The following TRABD2B variants were observed in gnomAD, a reference collection of about 807,000 sequenced individuals.
TRABD2B encodes metalloprotease TIKI2.
TRABD2B carries 14 observed loss-of-function variants against 40.1 expected under a neutral mutation model. The observed-to-expected ratio is 0.35, with a 90% CI of 0.23 to 0.55. The LOEUF is 0.55. Among genes scored for constraint, TRABD2B ranks in the 20% least tolerant of loss-of-function variants. The pLI is 0.90. For missense variants in TRABD2B, 541 were observed against 648.6 expected (o/e 0.83, Z 1.80); for synonymous variants, 263 against 277.0 (o/e 0.95, Z 0.50).
At chr1:47,957,059 T>A (rs1377751751) in intron 2 of TRABD2B, among the ~76,000 whole-genome samples, 1 of 152,206 alleles carries the variant, frequency 6.6e-6, no homozygotes, top group Non-Finnish European at 1.5e-5. Context: ...AGATATGCTG[T>A]TCTGTAGCCT....
At chr1:47,812,485 T>G (rs548483393) in intron 2 of TRABD2B, among the ~76,000 whole-genome samples, 1 of 152,246 alleles carries the variant, frequency 6.6e-6, no homozygotes, top group African/African-American at 2.4e-5. Flanking sequence ...CCCAGCACTT[T>G]GCGGGGCTGA....
chr1:47,778,600 G>A lies in TRABD2B; in HGVS notation c.989-56C>T, dbSNP rs183001310. ...CACATGCCAGGCCACCGGCCACAGG[G>A]GACTGCCCCAGGCCATCCCCTAAGT... On this transcript the variant is annotated intron_variant, in intron 4 of 6. Coordinates refer to ENST00000606738, the MANE Select transcript of TRABD2B (RefSeq NM_001194986.2). 5,845 of 1,328,890 alleles carry A rather than the reference G, an allele frequency of 4.4e-3. 18 individuals carry two copies. The highest frequency in any genetic ancestry group is 5.6e-3 in the Non-Finnish European group (5,393 of 957,958). 82.3% of individuals were successfully genotyped at this position (1,328,890 alleles called of 1,614,324 possible). A position where few individuals can be genotyped will look rare whatever the true frequency, so the allele number is the denominator to read the frequency against.
At chr1:47,956,210 A>T (rs1446941410) in intron 2 of TRABD2B, among the ~76,000 whole-genome samples, 3 of 152,178 alleles carry the variant, frequency 2.0e-5, no homozygotes, top group African/African-American at 7.2e-5. Flanking sequence ...GACTACAGAG[A>T]ACTACAGCTT....
intron 2 of TRABD2B, among the ~76,000 whole-genome samples, chr1:47,840,958 A>AAG (rs937815323): frequency 1.3e-5 from 2 of 152,136 alleles, no homozygotes; most frequent in African/African-American, 4.8e-5. Context: ...CAGGGAAGGA[A>AAG]AGAGAGAGAG....
Position 47,852,255 on chromosome 1 carries a change from C to T in TRABD2B, c.667-50636G>A, listed in dbSNP as rs1274495003. 2.0e-5 allele frequency among the ~76,000 whole-genome samples: 3 copies of T among 152,164 alleles called. No individual in the cohort carries two copies. The East Asian group carries it at 5.8e-4, about 29-fold the overall frequency. On this transcript the variant is annotated intron_variant, in intron 2 of 6. Transcript: ENST00000606738. ...GCCAGGCGGAGGTTTGGGGCAGAGT[C>T]CCTTGGTAAGGCGTGCGGAGCTCCT...
intron 2 of TRABD2B, among the ~76,000 whole-genome samples, chr1:47,842,789 T>C (rs1323845859): frequency 1.3e-5 from 2 of 152,198 alleles, no homozygotes; most frequent in East Asian, 3.9e-4. Context: ...GATTTCATTG[T>C]AGCAGAAGAG....
chr1:47,825,250 G>T (rs1426469721), intron 2 of TRABD2B, among the ~76,000 whole-genome samples: 1 of 152,172 alleles, frequency 6.6e-6, no homozygotes, highest in East Asian at 1.9e-4. Flanking sequence ...GAAAGTCAAA[G>T]TCCATCATGA....
intron 2 of TRABD2B, among the ~76,000 whole-genome samples, chr1:47,985,169 A>G (rs1270171006): frequency 6.6e-6 from 1 of 152,248 alleles, no homozygotes; most frequent in East Asian, 1.9e-4. Flanking sequence ...ACTCCCGATA[A>G]GTGCACTTAT....
At position 47,855,484 on chromosome 1, in the gene TRABD2B, C is replaced by A. The variant is rs1643881399; in HGVS notation, c.667-53865G>T. ...TTAAATTTGCATAAGTAGAAGACTG[C>A]ACATATTGTTCTGATTTGCCTTTTT... On this transcript the variant is annotated intron_variant, in intron 2 of 6. Transcript: ENST00000606738. Among the ~76,000 whole-genome samples the A allele has an allele frequency of 4.6e-5, 7 of 152,354 alleles. No homozygotes were observed. The South Asian group carries it at 1.2e-3, about 27-fold the overall frequency.
chr1:47,875,698 A>AAAAAAAAAAAG (rs1553161018), intron 2 of TRABD2B, among the ~76,000 whole-genome samples: 1 of 132,234 alleles, frequency 7.6e-6, no homozygotes. Flanking sequence ...AAAAAAAAAA[A>AAAAAAAAAAAG]AAGAAGAAGG....
At chr1:47,849,919 T>C (rs1327328755) in intron 2 of TRABD2B, among the ~76,000 whole-genome samples, 1 of 152,200 alleles carries the variant, frequency 6.6e-6, no homozygotes, top group Admixed American at 6.5e-5. Context: ...AACCTGGCAT[T>C]TCACAGGCCT....
intron 4 of TRABD2B, among the ~76,000 whole-genome samples, chr1:47,779,162 G>A (rs1457203153): frequency 6.6e-6 from 1 of 152,210 alleles, no homozygotes; most frequent in African/African-American, 2.4e-5. Flanking sequence ...CCTACTGGCT[G>A]GATTCACAGA....
intron 2 of TRABD2B, among the ~76,000 whole-genome samples, chr1:47,937,070 C>G (rs1331457339): frequency 1.3e-5 from 2 of 151,398 alleles, no homozygotes; most frequent in Non-Finnish European, 2.9e-5. Context: ...TCATCATTAT[C>G]ACCATCATCA....
rs181007107 is a variant in TRABD2B, at chr1:47,804,546, A to C, written c.667-2927T>G. ...GGTGAGGTCATCGGCCCAGGCACCC[A>C]GAAGAGCTGACTGGAGGAGAAATGT... On this transcript the variant is annotated intron_variant, in intron 2 of 6. Transcript: ENST00000606738. 4.2e-3 allele frequency among the ~76,000 whole-genome samples: 641 copies of C among 152,312 alleles called. 3 individuals carry two copies. The highest frequency in any genetic ancestry group is 6.6e-3 in the Non-Finnish European group (446 of 68,028).
chr1:47,837,901 G>A (rs933934885), intron 2 of TRABD2B, among the ~76,000 whole-genome samples: 3 of 152,162 alleles, frequency 2.0e-5, no homozygotes, highest in African/African-American at 4.8e-5. Flanking sequence ...TGAGGAAACC[G>A]AGGCACAGAT....
At chr1:47,897,865 G>A (rs1413425068) in intron 2 of TRABD2B, among the ~76,000 whole-genome samples, 1 of 152,132 alleles carries the variant, frequency 6.6e-6, no homozygotes, top group Non-Finnish European at 1.5e-5. Context: ...TTGATTATTG[G>A]TAAGGATTAA....
chr1:47,781,766 C>T (rs1644526702), intron 4 of TRABD2B, among the ~76,000 whole-genome samples: 1 of 152,352 alleles, frequency 6.6e-6, no homozygotes, highest in African/African-American at 2.4e-5. Context: ...CCCATGTGGC[C>T]TGTGCCCCAG....
At chr1:47,830,300 C>G (rs972609247) in intron 2 of TRABD2B, among the ~76,000 whole-genome samples, 1 of 152,236 alleles carries the variant, frequency 6.6e-6, no homozygotes, top group African/African-American at 2.4e-5. Flanking sequence ...AGACAAGTTG[C>G]CTGTGATAAC....
At chr1:47,802,917 C>T (rs1057009270) in intron 2 of TRABD2B, among the ~76,000 whole-genome samples, 2 of 152,182 alleles carry the variant, frequency 1.3e-5, no homozygotes, top group African/African-American at 4.8e-5. Context: ...TGAGTAGAGC[C>T]TCCAAGGCAG....
Sources: gnomAD v4.1 joint callset for allele counts (sites outside exome capture counted in the v4.1 genomes callset) on GRCh38, gnomAD v4.1.1 for gene constraint, MANE v1.5 for transcripts, NCBI Gene and HGNC (gene_info 2026-07-23, HGNC 2026-07-21) for gene names.